The following PCDHGB1 variants were observed in gnomAD, a reference collection of about 807,000 sequenced individuals.
PCDHGB1 encodes the protein protocadherin gamma-B1.
Under a neutral mutation model 56.6 loss-of-function variants are expected in PCDHGB1, and 34 were observed. That is an observed-to-expected ratio of 0.60 (90% CI 0.46 to 0.80). PCDHGB1 has a LOEUF of 0.80. PCDHGB1 is among the 30% of genes least tolerant of loss of function. The pLI is 0.00. For missense variants in PCDHGB1, 1,278 were observed against 1,204.6 expected (o/e 1.06, Z -0.90); for synonymous variants, 561 against 505.9 (o/e 1.11, Z -1.46).
chr5:141,394,104 C>T (rs761567726), intron 1 of PCDHGB1: 1 of 1,613,824 alleles, frequency 6.2e-7, no homozygotes, highest in African/African-American at 1.3e-5. Flanking sequence ...AGGAACACCA[C>T]CTCTGTCCAC....
intron 1 of PCDHGB1, among the ~76,000 whole-genome samples, chr5:141,426,040 G>C (rs1032424646): frequency 2.0e-5 from 3 of 152,212 alleles, no homozygotes; most frequent in African/African-American, 7.2e-5. Flanking sequence ...GAGCCCTGCT[G>C]TTGGCCAATG....
chr5:141,433,204 C>T, intron 1 of PCDHGB1: 6 of 1,566,938 alleles, frequency 3.8e-6, no homozygotes, highest in Admixed American at 2.0e-5. Flanking sequence ...ATCAAATCTT[C>T]TTTCTTTTTT....
At chr5:141,421,464 T>C in intron 1 of PCDHGB1, 1 of 1,614,090 alleles carries the variant, frequency 6.2e-7, no homozygotes, top group Non-Finnish European at 8.5e-7. Flanking sequence ...TCGCTGTGAA[T>C]CCGCGAAGCG....
chr5:141,402,954 T>C, intron 1 of PCDHGB1: 3 of 1,601,320 alleles, frequency 1.9e-6, no homozygotes, highest in Non-Finnish European at 2.6e-6. Context: ...GAGGCAGCAA[T>C]GGCAGCTCCA....
At position 141,375,614 on chromosome 5, in the gene PCDHGB1, A is replaced by C. The variant is rs904386299; in HGVS notation, c.2409+22945A>C. The C allele has an allele frequency of 1.9e-6, 3 of 1,614,060 alleles. No individual in the cohort carries two copies. The highest frequency in any genetic ancestry group is 1.7e-5 in the Admixed American group (1 of 60,008). Reference sequence around the variant, plus strand: ...CTCCTACGTGTCCATCAACTCCGACACTGGGATTCTGTACGCCCTGCGCTC... The same window carrying C: ...CTCCTACGTGTCCATCAACTCCGACCCTGGGATTCTGTACGCCCTGCGCTC... On this transcript the variant is annotated intron_variant, in intron 1 of 3. Transcript: ENST00000523390.
intron 1 of PCDHGB1, chr5:141,393,938 C>G (rs537803893): frequency 9.3e-6 from 15 of 1,613,818 alleles, no homozygotes; most frequent in Non-Finnish European, 1.3e-5. Context: ...ATGACCAAGA[C>G]TCTGGAAAGA....
chr5:141,352,051 C>T lies in PCDHGB1; in HGVS notation c.1791C>T (p.Asn597=), dbSNP rs1319194846. 3.1e-6 allele frequency: 5 copies of T among 1,607,202 alleles called. No homozygotes were observed. The highest frequency in any genetic ancestry group is 1.1e-5 in the South Asian group (1 of 90,916). The stretch of plus-strand genomic sequence containing the variant: ...CGGTGGACGCAGACTCAGGACACAA[C>T]GCTTGGCTGTCCTACCACGTGCTGC... ...VVAVDADSGH[N]AWLSYHVLQA... Residue 597 remains asparagine (N), a synonymous_variant, in exon 1 of 4, where the codon AAC becomes AAT. Transcript: ENST00000523390.
chr5:141,388,920 A>T, intron 1 of PCDHGB1: 3 of 1,613,996 alleles, frequency 1.9e-6, no homozygotes, highest in East Asian at 2.2e-5. Flanking sequence ...CCCAGAAGTG[A>T]TATTCCAGTC....
At chr5:141,395,498 C>T (rs1055094075) in intron 1 of PCDHGB1, 1 of 484,580 alleles carries the variant, frequency 2.1e-6, no homozygotes, top group Non-Finnish European at 3.6e-6. Context: ...CACTCATTCA[C>T]TTAAGAAGTA....
intron 1 of PCDHGB1, among the ~76,000 whole-genome samples, chr5:141,454,796 ATTTTTTTTT>A (rs61612330): frequency 1.2e-4 from 9 of 77,408 alleles, no homozygotes; most frequent in Admixed American, 5.4e-4. Context: ...CATGGTTCTA[ATTTTTTTTT>A]TTTTTTTTTT....
intron 2 of PCDHGB1, among the ~76,000 whole-genome samples, chr5:141,495,279 G>C (rs72790069): frequency 0.027 from 4,092 of 152,256 alleles, 88 homozygotes; most frequent in Middle Eastern, 0.048. Flanking sequence ...CGGAGGAGGC[G>C]GTCCGCACTC....
intron 1 of PCDHGB1, chr5:141,370,269 G>T: frequency 1.3e-6 from 1 of 783,944 alleles, no homozygotes; most frequent in East Asian, 2.7e-5. Flanking sequence ...TCCTGCAGCG[G>T]AGACACCCAT....
At position 141,431,495 on chromosome 5, in the gene PCDHGB1, G is replaced by A. The variant is rs557611439; in HGVS notation, c.2410-63312G>A. The A allele has an allele frequency of 4.3e-6, 7 of 1,613,864 alleles. No homozygotes were observed. The highest frequency in any genetic ancestry group is 1.1e-5 in the South Asian group (1 of 91,092). On this transcript the variant is annotated intron_variant, in intron 1 of 3. Coordinates refer to ENST00000523390, the MANE Select transcript of PCDHGB1 (RefSeq NM_018922.3). This position sits in a 1 kb window ranked among gnomAD's most constrained non-coding sequence, Gnocchi z 4.8. ...CAACGCACCAGCGTTTGCTCAGCCC[G>A]AGTACCGCGCGAGCGTTCCGGAGAA...
intron 1 of PCDHGB1, among the ~76,000 whole-genome samples, chr5:141,484,288 C>T (rs1300726429): frequency 6.6e-6 from 1 of 152,176 alleles, no homozygotes; most frequent in African/African-American, 2.4e-5. Context: ...AAACATCTCC[C>T]TCTCCTGGCT....
At chr5:141,366,024 C>A in intron 1 of PCDHGB1, 1 of 1,614,260 alleles carries the variant, frequency 6.2e-7, no homozygotes, top group Non-Finnish European at 8.5e-7. Context: ...ATCCTGTACC[C>A]CGCCCTCCCC....
At position 141,477,938 on chromosome 5, in the gene PCDHGB1, T is replaced by C. The variant is rs1441443411; in HGVS notation, c.2410-16869T>C. The stretch of plus-strand genomic sequence containing the variant: ...TGCAGGGCACAATGCCTGGCTCTCC[T>C]ACAGTCTCTTGGGATCCCCTAACCA... On this transcript the variant is annotated intron_variant, in intron 1 of 3. Transcript: ENST00000523390. The surrounding 1 kb of genome is among the most constrained non-coding windows in gnomAD (Gnocchi z 4.9). The C allele has an allele frequency of 3.1e-6, 5 of 1,614,036 alleles. No homozygotes were observed. The highest frequency in any genetic ancestry group is 4.2e-6 in the Non-Finnish European group (5 of 1,180,030).
chr5:141,474,083 A>G (rs771906750), intron 1 of PCDHGB1, among the ~76,000 whole-genome samples: 2 of 152,190 alleles, frequency 1.3e-5, no homozygotes, highest in African/African-American at 2.4e-5. Flanking sequence ...AACAAAAACC[A>G]AAAAACAAAC....
intron 1 of PCDHGB1, among the ~76,000 whole-genome samples, chr5:141,369,619 C>T (rs1197396001): frequency 6.6e-6 from 1 of 152,170 alleles, no homozygotes; most frequent in African/African-American, 2.4e-5. Context: ...CAATCATTTC[C>T]TCATTACCTT....
intron 3 of PCDHGB1, among the ~76,000 whole-genome samples, chr5:141,509,815 TCTC>T (rs1596250992): frequency 6.6e-6 from 1 of 152,226 alleles, no homozygotes; most frequent in East Asian, 1.9e-4. Flanking sequence ...GCCGAGCTCT[TCTC>T]CATCTTCTCT....
Sources: gnomAD v4.1 joint callset for allele counts (sites outside exome capture counted in the v4.1 genomes callset) on GRCh38, gnomAD v4.1.1 for gene constraint, Gnocchi (gnomAD v3.1) non-coding constraint, MANE v1.5 for transcripts, NCBI Gene and HGNC (gene_info 2026-07-23, HGNC 2026-07-21) for gene names.